Variants in BTAF1 observed in about 807,000 individuals in gnomAD.
The protein encoded by BTAF1 is B-TFIID TATA-box binding protein associated factor 1.
BTAF1 carries 38 observed loss-of-function variants against 227.1 expected under a neutral mutation model. The ratio of observed to expected loss-of-function variants is 0.17; its 90% CI spans 0.13 to 0.22. The LOEUF (loss-of-function observed/expected upper bound fraction) is 0.22. Ranked by LOEUF, BTAF1 falls within the 10% of genes least tolerant of loss-of-function variation. The probability of loss-of-function intolerance (pLI) is 1.00; values close to 1 mark genes in which losing one functional copy is unlikely to be tolerated. For missense variants in BTAF1, 1,598 were observed against 2,204.0 expected (o/e 0.73, Z 5.51); for synonymous variants, 742 against 751.9 (o/e 0.99, Z 0.21).
At chr10:92,004,275 TG>T (rs1849736021) in intron 25 of BTAF1, among the ~76,000 whole-genome samples, 1 of 152,216 alleles carries the variant, frequency 6.6e-6, no homozygotes, top group Non-Finnish European at 1.5e-5. Flanking sequence ...ATCCTTTATC[TG>T]AAATGCTTGT....
chr10:91,948,369 C>CTATT (rs59744946), intron 4 of BTAF1, among the ~76,000 whole-genome samples: 5,038 of 143,124 alleles, frequency 0.035, 121 homozygotes, highest in African/African-American at 0.058. Context: ...AGTTTTAGAA[C>CTATT]TATTTATTTA....
intron 1 of BTAF1, among the ~76,000 whole-genome samples, chr10:91,929,131 G>A (rs1844088581): frequency 6.6e-6 from 1 of 152,124 alleles, no homozygotes; most frequent in Non-Finnish European, 1.5e-5. Context: ...TTCATTGGTG[G>A]GGAATCTGTA....
chr10:91,976,808 C>G (rs1161539429), intron 14 of BTAF1, among the ~76,000 whole-genome samples: 2 of 152,128 alleles, frequency 1.3e-5, no homozygotes, highest in Non-Finnish European at 2.9e-5. Context: ...TGGGCTCGAA[C>G]AATTTTCTAG....
chr10:91,924,849 T>A (rs1843721615), intron 1 of BTAF1, among the ~76,000 whole-genome samples: 1 of 152,236 alleles, frequency 6.6e-6, no homozygotes, highest in South Asian at 2.1e-4. Flanking sequence ...CGGAATTTGG[T>A]GACCCTCTGT....
At chr10:91,981,292 T>C (rs189490836) in intron 15 of BTAF1, among the ~76,000 whole-genome samples, 24 of 152,334 alleles carry the variant, frequency 1.6e-4, no homozygotes, top group Admixed American at 1.0e-3. Context: ...TTTAAATGTG[T>C]GTTGAATATA....
At chr10:91,924,567 T>G (rs888303457) in intron 1 of BTAF1, among the ~76,000 whole-genome samples, 5 of 152,220 alleles carry the variant, frequency 3.3e-5, no homozygotes, top group African/African-American at 9.7e-5. Context: ...CCTGAGATGT[T>G]TTTTAAAATT....
In BTAF1 at chr10:92,018,763, C is replaced by CT. The variant is rs140447601; in HGVS notation, c.4711-11dup. 8.1e-4 allele frequency: 1,181 copies of CT among 1,465,514 alleles called. 7 individuals are homozygous for CT. In the African/African-American group the frequency reaches 0.013, roughly 16 times the overall value. The allele number at this position is 1,465,514 out of a possible 1,614,324, so 90.8% of individuals were successfully genotyped here. A position where few individuals can be genotyped will look rare whatever the true frequency, so the allele number is the denominator to read the frequency against. On this transcript the variant is annotated intron_variant, in intron 33 of 37. Coordinates refer to ENST00000265990, the MANE Select transcript of BTAF1 (RefSeq NM_003972.3). ...GATATGCGAAATTGACTCATATATA[C>CT]TTTTTTTTTCCTCTTGAAGGCATTA...
intron 1 of BTAF1, among the ~76,000 whole-genome samples, chr10:91,927,980 CTTTTTTTTT>C (rs60105160): frequency 5.8e-5 from 7 of 121,572 alleles, no homozygotes; most frequent in Admixed American, 8.2e-5. Context: ...TGCCTTTTTT[CTTTTTTTTT>C]TTTTTTTTTT....
intron 14 of BTAF1, among the ~76,000 whole-genome samples, chr10:91,976,189 T>G (rs564460778): frequency 2.0e-4 from 31 of 152,202 alleles, no homozygotes; most frequent in African/African-American, 6.7e-4. Context: ...AGGACACAAC[T>G]TAGGAACAGC....
Position 91,976,545 on chromosome 10 carries a change from A to G in BTAF1, c.1651-3909A>G, listed in dbSNP as rs991275786. On this transcript the variant is annotated intron_variant, in intron 14 of 37. Transcript: ENST00000265990. ...AAGAGTCACTTCGTTAGCACAAACT[A>G]GATTATGGTTATGAATAATCCCTAT... Among the ~76,000 whole-genome samples, 3 of 152,168 alleles carry G rather than the reference A, an allele frequency of 2.0e-5. No individual in the cohort carries two copies. The East Asian group carries it at 5.8e-4, about 29-fold the overall frequency.
intron 34 of BTAF1, among the ~76,000 whole-genome samples, chr10:92,020,005 A>G (rs1851013414): frequency 6.6e-6 from 1 of 151,536 alleles, no homozygotes; most frequent in African/African-American, 2.4e-5. Flanking sequence ...TATAGGCATG[A>G]GCTACCACAC....
chr10:92,003,955 T>C (rs370176539), intron 25 of BTAF1, among the ~76,000 whole-genome samples: 55 of 152,332 alleles, frequency 3.6e-4, no homozygotes, highest in African/African-American at 1.2e-3. Flanking sequence ...TGAGGTAATA[T>C]CTCATACCAG....
At chr10:91,980,190 T>G (rs188030209) in intron 14 of BTAF1, among the ~76,000 whole-genome samples, 6 of 152,238 alleles carry the variant, frequency 3.9e-5, no homozygotes, top group African/African-American at 1.4e-4. Context: ...GATTTCAACT[T>G]TGAGGAAAAA....
chr10:91,941,424 G>A (rs1423815548), intron 3 of BTAF1, among the ~76,000 whole-genome samples: 1 of 152,186 alleles, frequency 6.6e-6, no homozygotes, highest in Non-Finnish European at 1.5e-5. Flanking sequence ...GCAGATGCCA[G>A]CTAAACAAAC....
chr10:92,020,021 C>A (rs35462813), intron 34 of BTAF1, among the ~76,000 whole-genome samples: 1 of 151,656 alleles, frequency 6.6e-6, no homozygotes, highest in Admixed American at 6.6e-5. Flanking sequence ...CACACCCTGC[C>A]GAGAAATTCT....
chr10:91,953,413 G>C (rs1845894828), intron 5 of BTAF1, among the ~76,000 whole-genome samples: 2 of 151,926 alleles, frequency 1.3e-5, no homozygotes. Flanking sequence ...ATAACTTTTT[G>C]GTGATATTAT....
chr10:91,981,605 G>T, intron 15 of BTAF1, 38 bp from the exon 16 acceptor site: 1 of 1,540,856 alleles, frequency 6.5e-7, no homozygotes, highest in Non-Finnish European at 8.7e-7. Context: ...ATTTTTATTA[G>T]AAAAAATTCA....
At chr10:91,962,350 T>G (rs911186052) in intron 11 of BTAF1, among the ~76,000 whole-genome samples, 188 bp from the exon 12 acceptor site, 2 of 152,330 alleles carry the variant, frequency 1.3e-5, no homozygotes, top group East Asian at 1.9e-4. Flanking sequence ...TTTGTGTAAG[T>G]ACACTCTATA....
chr10:91,973,903 C>CA (rs566022941), intron 14 of BTAF1, among the ~76,000 whole-genome samples: 59,155 of 93,596 alleles, frequency 0.63, 17,466 homozygotes, highest in South Asian at 0.81. Context: ...GACTCCGTCT[C>CA]AAAAAAAAAA....
Sources: allele counts gnomAD v4.1 joint callset (sites outside exome capture counted in the v4.1 genomes callset), GRCh38; gene constraint gnomAD v4.1.1; transcripts MANE v1.5; gene names NCBI Gene and HGNC (gene_info 2026-07-23, HGNC 2026-07-21).